Variants in LATS1 observed in about 807,000 individuals in gnomAD.
LATS1 encodes serine/threonine-protein kinase LATS1.
LATS1 carries 25 observed loss-of-function variants against 106.6 expected under a neutral mutation model. The ratio of observed to expected loss-of-function variants is 0.23; its 90% CI spans 0.17 to 0.33. The LOEUF (loss-of-function observed/expected upper bound fraction) is 0.33, where lower values mean the gene tolerates loss of function less well. LATS1 is among the 10% of genes least tolerant of loss of function. The probability of loss-of-function intolerance (pLI) is 1.00; values close to 1 mark genes in which losing one functional copy is unlikely to be tolerated. For missense variants in LATS1, 1,040 were observed against 1,382.6 expected, an observed-to-expected ratio of 0.75 and a Z score of 3.93; for synonymous variants, 465 against 455.6, an observed-to-expected ratio of 1.02 and a Z score of -0.26.
Position 149,702,266 on chromosome 6 carries a change from T to C in LATS1, c.-140A>G. On this transcript the variant is annotated splice_region_variant and 5_prime_UTR_variant, in exon 2 of 8. Transcript: ENST00000543571. ...ATTCTTTACAATATAAATAATTAAC[T>C]CTGTAAAAGAAAGAAAGAAAGGAAA... 1 of 575,690 alleles carries C rather than the reference T, an allele frequency of 1.7e-6. No homozygotes were observed. Among genetic ancestry groups the C allele is most frequent in the Non-Finnish European group, 3.0e-6 (1 of 331,292 alleles). The allele number at this position is 575,690 out of a possible 1,614,324, so 35.7% of individuals were successfully genotyped here.
At chr6:149,690,853 T>G (rs143550621) in intron 3 of LATS1, among the ~76,000 whole-genome samples, 216 of 152,340 alleles carry the variant, frequency 1.4e-3, no homozygotes, top group African/African-American at 5.1e-3. Flanking sequence ...AATTTTCATT[T>G]TCTAATAATT....
At chr6:149,689,312 A>G (rs1358736272) in intron 3 of LATS1, among the ~76,000 whole-genome samples, 1 of 152,026 alleles carries the variant, frequency 6.6e-6, no homozygotes, top group Admixed American at 6.6e-5. Flanking sequence ...GGCCATGGAC[A>G]AGGAATTTGG....
Position 149,676,674 on chromosome 6 carries a change from C to A in LATS1, c.2657G>T (p.Arg886Leu). The A allele has an allele frequency of 1.2e-6, 2 of 1,614,030 alleles. No individual in the cohort carries two copies. The highest frequency in any genetic ancestry group is 1.7e-6 in the Non-Finnish European group (2 of 1,179,964). Residue 886 changes from arginine (R) to leucine (L), a missense_variant, in exon 6 of 8, where the codon CGA (arginine) becomes CTA (leucine). By Grantham distance (102) the Arg-to-Leu change is moderately radical. This residue lies in a region of LATS1 where 63 missense variants were observed against 64.3 expected (regional missense o/e 0.98). Transcript: ENST00000543571. ...TAATGGCTTCAGTCTGTCTCCACAT[C>A]GACAGCTTGAGGGATCCCCCCATTC... ...SNEWGDPSSC[R>L]CGDRLKPLER...
At chr6:149,689,457 G>C (rs1288076143) in intron 3 of LATS1, among the ~76,000 whole-genome samples, 1 of 150,108 alleles carries the variant, frequency 6.7e-6, no homozygotes, top group Non-Finnish European at 1.5e-5. Context: ...CAATATTATC[G>C]ATCTTATTTT....
intron 3 of LATS1, among the ~76,000 whole-genome samples, chr6:149,693,903 A>T (rs2114899824): frequency 6.6e-6 from 1 of 152,190 alleles, no homozygotes; most frequent in African/African-American, 2.4e-5. Context: ...CAGTCTGGCC[A>T]ACATGGTGAA....
chr6:149,675,961 A>G (rs1195731500), intron 7 of LATS1: 1 of 291,022 alleles, frequency 3.4e-6, no homozygotes, highest in African/African-American at 2.2e-5. Flanking sequence ...GAGTTCACGC[A>G]TGCAATTCTG....
intron 1 of LATS1, among the ~76,000 whole-genome samples, chr6:149,713,379 C>T (rs1430435319): frequency 6.6e-6 from 1 of 151,986 alleles, no homozygotes; most frequent in East Asian, 1.9e-4. Flanking sequence ...ACTGCAACCT[C>T]TGCCTCCCGG....
chr6:149,679,768 C>A, intron 5 of LATS1, 107 bp downstream of exon 5: 1 of 800,874 alleles, frequency 1.2e-6, no homozygotes, highest in Non-Finnish European at 1.9e-6. Context: ...AAGACCTGAC[C>A]CACATCTTCT....
intron 7 of LATS1, among the ~76,000 whole-genome samples, chr6:149,662,871 CAGA>C (rs1222328884): frequency 6.7e-6 from 1 of 149,006 alleles, no homozygotes; most frequent in Admixed American, 6.8e-5. Flanking sequence ...GAGGTTGAAG[CAGA>C]AGGATTCCTG....
Position 149,662,223 on chromosome 6 carries a change from T to A in LATS1, c.2899A>T (p.Thr967Ser), listed in dbSNP as rs756669982. 1.9e-6 allele frequency: 3 copies of A among 1,601,882 alleles called. No individual in the cohort carries two copies. In the African/African-American group the frequency reaches 4.0e-5, roughly 22 times the overall value. ...GCTTGTGGTGGAATGTGAAGAGATG[T>A]TTGCCAGTTGATAACCTTTAAAGAT... ...ETQMKVINWQ[T>S]SLHIPPQAKL... The change falls in exon 8 of 8, where the codon ACA (threonine) becomes TCA (serine). Residue 967 changes from threonine (T) to serine (S), a missense_variant. By Grantham distance (58) the Thr-to-Ser change is moderately conservative. Around this residue, in one of 7 missense-constraint regions of LATS1, gnomAD observed 113 missense variants for 146.3 expected, o/e 0.77. Transcript: ENST00000543571.
chr6:149,675,202 C>A (rs1781651576), intron 7 of LATS1, among the ~76,000 whole-genome samples: 2 of 134,014 alleles, frequency 1.5e-5, no homozygotes, highest in African/African-American at 2.9e-5. Context: ...GATGACAGAG[C>A]AAGACTCTGT....
At chr6:149,697,006 T>C (rs962611202) in intron 2 of LATS1, 1 of 553,894 alleles carries the variant, frequency 1.8e-6, no homozygotes, top group Non-Finnish European at 3.2e-6. Flanking sequence ...CTCCTTGTAC[T>C]TTATGTTTTA....
At position 149,684,051 on chromosome 6, in the gene LATS1, T is replaced by A. The variant is rs750998617; in HGVS notation, c.1038A>T (p.Gly346=). ...CAGTTTGTCCAGTACCATTCTGCAT[T>A]CCAGGTCTCCCTGATGGAAAGTTAA... ...SKFNFPSGRP[G]MQNGTGQTDF... is the part of the protein sequence containing the mutation. Residue 346 remains glycine (G), a synonymous_variant, in exon 4 of 8, where the codon GGA becomes GGT. Coordinates refer to ENST00000543571, the MANE Select transcript of LATS1 (RefSeq NM_004690.4). The A allele has an allele frequency of 5.0e-6, 8 of 1,614,184 alleles. No homozygotes were observed. Among genetic ancestry groups the A allele is most frequent in the Non-Finnish European group, 6.8e-6 (8 of 1,180,028 alleles).
chr6:149,700,092 C>G (rs1345208026), intron 2 of LATS1, among the ~76,000 whole-genome samples: 1 of 152,060 alleles, frequency 6.6e-6, no homozygotes, highest in Non-Finnish European at 1.5e-5. Context: ...ATTTCCTGGT[C>G]CAAATCCAGT....
chr6:149,683,439 T>C lies in LATS1; in HGVS notation c.1650A>G (p.Pro550=). Residue 550 remains proline (P), a synonymous_variant, in exon 4 of 8, where the codon CCA becomes CCG. Coordinates refer to ENST00000543571, the MANE Select transcript of LATS1 (RefSeq NM_004690.4). ...VTVMPPVAEA[P]NYQGPPPPYP... ...AGGGTGGTGGTGGTCCTTGATAGTT[T>C]GGAGCTTCAGCAACAGGTGGCATCA... 2 of 1,614,188 alleles carry C rather than the reference T, an allele frequency of 1.2e-6. No individual in the cohort carries two copies. Among genetic ancestry groups the C allele is most frequent in the Non-Finnish European group, 1.7e-6 (2 of 1,180,042 alleles).
chr6:149,681,210 C>G (rs530915422), intron 4 of LATS1, among the ~76,000 whole-genome samples: 3 of 152,166 alleles, frequency 2.0e-5, no homozygotes, highest in African/African-American at 7.2e-5. Context: ...AAACTAACTT[C>G]TAAGTATTAT....
At chr6:149,666,573 G>A (rs962091711) in intron 7 of LATS1, among the ~76,000 whole-genome samples, 34 of 151,580 alleles carry the variant, frequency 2.2e-4, no homozygotes, top group Admixed American at 6.6e-4. Context: ...GCAGTGAGCC[G>A]AGATAGTGCC....
Position 149,712,291 on chromosome 6 carries a change from G to A in LATS1, c.-141+5558C>T, listed in dbSNP as rs189765191. Among the ~76,000 whole-genome samples the A allele has an allele frequency of 2.8e-3, 423 of 152,178 alleles. 4 individuals carry two copies. Among genetic ancestry groups the A allele is most frequent in the Non-Finnish European group, 1.9e-3 (129 of 68,002 alleles). Reference sequence around the variant, plus strand: ...TGGCTCACCGCAACCTCCACCTCCCGGGTTCAAGCAATTCTCCTGCCTCAG... The same window carrying A: ...TGGCTCACCGCAACCTCCACCTCCCAGGTTCAAGCAATTCTCCTGCCTCAG... On this transcript the variant is annotated intron_variant, in intron 1 of 7. Transcript: ENST00000543571.
intron 1 of LATS1, among the ~76,000 whole-genome samples, chr6:149,704,031 T>G (rs972834123): frequency 6.6e-6 from 1 of 152,230 alleles, no homozygotes; most frequent in Non-Finnish European, 1.5e-5. Context: ...GAGATGGAGT[T>G]TCGCTCTTGT....
Sources: allele counts gnomAD v4.1 joint callset (sites outside exome capture counted in the v4.1 genomes callset), GRCh38; gene constraint gnomAD v4.1.1; regional missense constraint gnomAD v4.1.1; transcripts MANE v1.5; gene names NCBI Gene and HGNC (gene_info 2026-07-23, HGNC 2026-07-21).